Variants in BEND7 observed in about 807,000 individuals in gnomAD.
The protein encoded by BEND7 is BEN domain-containing protein 7.
In BEND7, 28 loss-of-function variants were observed where a neutral mutation model predicts 50.9. The observed-to-expected ratio is 0.55, with a 90% CI of 0.41 to 0.75. The LOEUF is 0.75. Among genes scored for constraint, BEND7 ranks in the 30% least tolerant of loss-of-function variants. BEND7 has a pLI of 0.00. For missense variants in BEND7, 477 were observed against 491.3 expected (o/e 0.97, Z 0.28); for synonymous variants, 170 against 183.9 (o/e 0.92, Z 0.61).
Position 13,441,468 on chromosome 10 carries a change from G to GA in BEND7, c.*274_*275insT. On this transcript the variant is annotated 3_prime_UTR_variant, in exon 9 of 9. Transcript: ENST00000466271. ...TCGCACACATCTTTGGGTTGAACAA[G>GA]CTCCACCCGTCCTCAAGTGCTGAAC... The GA allele has an allele frequency of 7.6e-7, 1 of 1,307,760 alleles. No individual in the cohort carries two copies. Among genetic ancestry groups the GA allele is most frequent in the East Asian group, 2.9e-5 (1 of 34,152 alleles). The allele number at this position is 1,307,760 out of a possible 1,614,324, so 81.0% of individuals were successfully genotyped here.
At position 13,496,966 on chromosome 10, in the gene BEND7, AAAAG is replaced by A. The variant is rs2077067963; in HGVS notation, c.449-82_449-79del. 60 of 1,444,588 alleles carry A rather than the reference AAAAG, an allele frequency of 4.2e-5. No homozygotes were observed. The South Asian group carries it at 8.5e-4, about 21-fold the overall frequency. The allele number at this position is 1,444,588 out of a possible 1,614,324, so 89.5% of individuals were successfully genotyped here. ...AAAAATCATAAAGAGGTGGAGAGAA[AAAAG>A]AAAGTATCTTGGCAGGATTTTGAAG... On this transcript the variant is annotated intron_variant, in intron 3 of 8. Coordinates refer to ENST00000466271, the MANE Select transcript of BEND7 (RefSeq NM_001369863.1).
intron 2 of BEND7, among the ~76,000 whole-genome samples, chr10:13,518,025 T>G (rs939411135): frequency 1.3e-4 from 20 of 152,218 alleles, no homozygotes; most frequent in African/African-American, 4.8e-4. Context: ...TTTCACTGTA[T>G]AGATGGCCAT....
chr10:13,461,764 C>A (rs1840258828), intron 6 of BEND7, among the ~76,000 whole-genome samples: 1 of 151,554 alleles, frequency 6.6e-6, no homozygotes, highest in Admixed American at 6.6e-5. Context: ...TTGGCCTGCA[C>A]CTCACAGAGG....
intron 6 of BEND7, among the ~76,000 whole-genome samples, chr10:13,473,306 C>T (rs994277684): frequency 3.9e-4 from 59 of 151,528 alleles, no homozygotes; most frequent in African/African-American, 1.1e-3. Context: ...TGGTATCCGT[C>T]ATCGCTGTTA....
chr10:13,506,147 AC>A (rs1278683016), intron 2 of BEND7, among the ~76,000 whole-genome samples: 2 of 151,892 alleles, frequency 1.3e-5, no homozygotes, highest in South Asian at 2.1e-4. Flanking sequence ...CGGCCCACTG[AC>A]CCCTGCCTCT....
chr10:13,442,898 C>G (rs1835553368), intron 8 of BEND7: 2 of 152,200 alleles, frequency 1.3e-5, no homozygotes, highest in Non-Finnish European at 1.5e-5. Flanking sequence ...ACTTTTTCAT[C>G]TTCTAAGATG....
At chr10:13,496,944 AATCAT>A in intron 3 of BEND7, 56 bp from the exon 4 acceptor site, 1 of 1,442,670 alleles carries the variant, frequency 6.9e-7, no homozygotes, top group South Asian at 1.4e-5. Flanking sequence ...AAAAAAAAAA[AATCAT>A]AAAGAGGTGG....
intron 7 of BEND7, among the ~76,000 whole-genome samples, chr10:13,448,553 C>G (rs1836944641): frequency 6.6e-6 from 1 of 152,188 alleles, no homozygotes; most frequent in Admixed American, 6.5e-5. Flanking sequence ...TATGGCTCCC[C>G]TGTCTCCTTC....
rs767997308 is a variant in BEND7 at position 13,492,785 on chromosome 10, C to T, written c.663G>A (p.Val221=). ...TAAGAGGTTCCACAGTCTTTGGGGG[C>T]ACTTTTTTCTTTTTATTTCTCTTTC... The part of the protein sequence containing the change: ...VSRKRNKKKK[V]PPKTVEPLTV... Residue 221 remains valine, a synonymous_variant, in exon 5 of 9, where the codon GTG becomes GTA. Coordinates refer to ENST00000466271, the MANE Select transcript of BEND7 (RefSeq NM_001369863.1). The T allele has an allele frequency of 6.8e-6, 11 of 1,608,124 alleles. No individual in the cohort carries two copies. The highest frequency in any genetic ancestry group is 9.3e-6 in the Non-Finnish European group (11 of 1,178,808).
At chr10:13,458,910 A>G (rs1382588910) in intron 6 of BEND7, among the ~76,000 whole-genome samples, 1 of 152,188 alleles carries the variant, frequency 6.6e-6, no homozygotes, top group Non-Finnish European at 1.5e-5. Context: ...CCCATGTGCG[A>G]GGCAGTTTAT....
chr10:13,492,508 G>C (rs887665055), intron 5 of BEND7, 103 bp downstream of exon 5: 1 of 1,408,824 alleles, frequency 7.1e-7, no homozygotes, highest in Admixed American at 2.2e-5. Context: ...CCCACATATA[G>C]TCTGCAAGTT....
chr10:13,484,143 C>T (rs1160478497), intron 5 of BEND7, among the ~76,000 whole-genome samples: 1 of 152,206 alleles, frequency 6.6e-6, no homozygotes, highest in African/African-American at 2.4e-5. Context: ...GCGGTGGTGG[C>T]AGCGGCAGCC....
chr10:13,496,961 G>A (rs1357068168), intron 3 of BEND7, 73 bp from the exon 4 acceptor site: 3 of 1,450,054 alleles, frequency 2.1e-6, no homozygotes, highest in South Asian at 2.8e-5. Flanking sequence ...AAGAGGTGGA[G>A]AGAAAAAAGA....
At chr10:13,447,760 G>A (rs1836734260) in intron 7 of BEND7, among the ~76,000 whole-genome samples, 1 of 151,980 alleles carries the variant, frequency 6.6e-6, no homozygotes, top group African/African-American at 2.4e-5. Flanking sequence ...AGCCAGGATG[G>A]TCTCGCTCTC....
intron 6 of BEND7, among the ~76,000 whole-genome samples, chr10:13,469,308 A>G (rs72785303): frequency 6.6e-6 from 1 of 152,272 alleles, no homozygotes; most frequent in Non-Finnish European, 1.5e-5. Flanking sequence ...AGAAGACTTG[A>G]CTGCAGGGAG....
chr10:13,519,750 T>G (rs1357773889), intron 2 of BEND7, among the ~76,000 whole-genome samples: 1 of 152,226 alleles, frequency 6.6e-6, no homozygotes, highest in Non-Finnish European at 1.5e-5. Flanking sequence ...TCTGCTACGC[T>G]ATGTAAACTG....
At chr10:13,507,635 G>T (rs1218698463) in intron 2 of BEND7, among the ~76,000 whole-genome samples, 1 of 152,156 alleles carries the variant, frequency 6.6e-6, no homozygotes, top group Non-Finnish European at 1.5e-5. Context: ...TTATCAAAAA[G>T]AAAAACAATG....
intron 2 of BEND7, among the ~76,000 whole-genome samples, chr10:13,516,461 C>T (rs1169598178): frequency 2.6e-5 from 4 of 152,214 alleles, no homozygotes; most frequent in Admixed American, 2.6e-4. Flanking sequence ...CGCGGTGGCT[C>T]ACGCTGGTAA....
intron 2 of BEND7, among the ~76,000 whole-genome samples, chr10:13,507,826 G>A (rs1001641614): frequency 5.3e-5 from 8 of 152,292 alleles, no homozygotes; most frequent in African/African-American, 1.7e-4. Flanking sequence ...CACTGTGAAC[G>A]TATTTTAAAG....
Sources: gnomAD v4.1 joint callset for allele counts (sites outside exome capture counted in the v4.1 genomes callset) on GRCh38, gnomAD v4.1.1 for gene constraint, MANE v1.5 for transcripts, NCBI Gene and HGNC (gene_info 2026-07-23, HGNC 2026-07-21) for gene names.